WIPI2: variants seen among roughly 807,000 people sequenced by gnomAD.
The protein encoded by WIPI2 is WD repeat domain, phosphoinositide interacting 2, also known as WD repeat domain phosphoinositide-interacting protein 2.
In WIPI2, 28 loss-of-function variants were observed where a neutral mutation model predicts 52.3. The ratio of observed to expected loss-of-function variants is 0.54; its 90% CI spans 0.40 to 0.73. The LOEUF is 0.73. WIPI2 is among the 30% of genes least tolerant of loss of function. WIPI2 has a pLI of 0.00. For missense variants in WIPI2, 506 were observed against 602.9 expected, an observed-to-expected ratio of 0.84 and a Z score of 1.68; for synonymous variants, 268 against 245.0, an observed-to-expected ratio of 1.09 and a Z score of -0.88.
At chr7:5,214,425 G>A (rs368286520) in intron 3 of WIPI2, 110 bp from the exon 4 acceptor site, 71 of 1,611,224 alleles carry the variant, frequency 4.4e-5, no homozygotes, top group Non-Finnish European at 5.3e-5. Flanking sequence ...CACCCTCAGC[G>A]CTGTGCCCTG....
At position 5,227,090 on chromosome 7, in the gene WIPI2, G is replaced by C; in HGVS notation, c.849-90G>C. 1 of 1,520,478 alleles carries C rather than the reference G, an allele frequency of 6.6e-7. No individual in the cohort carries two copies. The allele number at this position is 1,520,478 out of a possible 1,614,324, so 94.2% of individuals were successfully genotyped here. On this transcript the variant is annotated intron_variant, in intron 9 of 12. Coordinates refer to ENST00000288828, the MANE Select transcript of WIPI2 (RefSeq NM_015610.4). The surrounding 1 kb of genome is among the most constrained non-coding windows in gnomAD (Gnocchi z 8.1). ...GTGAAGAATGGAGACTTTTGCTGTC[G>C]GCTCCAGAGCTGTGCGTCTGTGTGA...
rs73328769 is a variant in WIPI2 at position 5,228,048 on chromosome 7, G to A, written c.1014-56G>A. The A allele has an allele frequency of 3.9e-3, 6,168 of 1,567,974 alleles. 263 individuals are homozygous for A. The African/African-American group carries it at 0.074, about 19-fold the overall frequency. ...CTGCCAAAAGTGAGGCCGCCATGTA[G>A]TAAGACCGTTTCTGTGACAGTTGTC... On this transcript the variant is annotated intron_variant, in intron 10 of 12. Coordinates refer to ENST00000288828, the MANE Select transcript of WIPI2 (RefSeq NM_015610.4).
chr7:5,201,175 G>A (rs571803112), intron 3 of WIPI2, among the ~76,000 whole-genome samples: 6 of 152,336 alleles, frequency 3.9e-5, no homozygotes, highest in African/African-American at 4.8e-5. Context: ...GGGCAGCCCC[G>A]TCTCCAGGCT....
Position 5,227,014 on chromosome 7 carries a change from GC to G in WIPI2, c.849-162del. The G allele has an allele frequency of 1.1e-6, 1 of 879,052 alleles. No individual in the cohort carries two copies. The highest frequency in any genetic ancestry group is 1.7e-6 in the Non-Finnish European group (1 of 580,810). 54.5% of individuals were successfully genotyped at this position (879,052 alleles called of 1,614,324 possible). On this transcript the variant is annotated intron_variant, in intron 9 of 12. Transcript: ENST00000288828. The surrounding 1 kb of genome is among the most constrained non-coding windows in gnomAD (Gnocchi z 8.1). ...CACCTCCCAGAGGAAGCTCCGTGAT[GC>G]CCCTGGGGCCCTGAGTGTCTGCTTA...
At chr7:5,228,364 G>C (rs764313486) in intron 11 of WIPI2, among the ~76,000 whole-genome samples, 153 bp downstream of exon 11, 1 of 152,256 alleles carries the variant, frequency 6.6e-6, no homozygotes, top group African/African-American at 2.4e-5. Context: ...CGGGAGCTTC[G>C]CTTTCCCAGG....
chr7:5,203,990 G>T lies in WIPI2; in HGVS notation c.211+4332G>T, dbSNP rs956477252. On this transcript the variant is annotated intron_variant, in intron 3 of 12. Coordinates refer to ENST00000288828, the MANE Select transcript of WIPI2 (RefSeq NM_015610.4). Reference sequence around the variant, plus strand: ...CTGGTGTCCTGGGACGTGCCATCTTGAGTCAATACATCTGTGCAGTCTGGT... The same window carrying T: ...CTGGTGTCCTGGGACGTGCCATCTTTAGTCAATACATCTGTGCAGTCTGGT... Among the ~76,000 whole-genome samples the T allele has an allele frequency of 1.5e-4, 23 of 152,198 alleles. 1 individual carries two copies. The highest frequency in any genetic ancestry group is 1.2e-3 in the Admixed American group (19 of 15,288).
Position 5,227,996 on chromosome 7 carries a change from T to A in WIPI2, c.1014-108T>A. On this transcript the variant is annotated intron_variant, in intron 10 of 12. Transcript: ENST00000288828. This position sits in a 1 kb window ranked among gnomAD's most constrained non-coding sequence, Gnocchi z 8.1. ...CAGACACCTGCAGCTGCCCTTGTGC[T>A]CATCTTGCTGGGGTCTCTTTCCTCG... 1.0e-6 allele frequency: 1 copy of A among 1,003,244 alleles called. No individual in the cohort carries two copies. The highest frequency in any genetic ancestry group is 1.4e-5 in the South Asian group (1 of 73,782). 62.1% of individuals were successfully genotyped at this position (1,003,244 alleles called of 1,614,324 possible).
chr7:5,203,551 C>G (rs968570598), intron 3 of WIPI2, among the ~76,000 whole-genome samples: 1 of 151,308 alleles, frequency 6.6e-6, no homozygotes, highest in African/African-American at 2.4e-5. Context: ...GTGGCTGAGG[C>G]CACCTAGAAT....
rs1782726069 is a variant in WIPI2 at position 5,214,722 on chromosome 7, T to G, written c.381+18T>G. 6.2e-7 allele frequency: 1 copy of G among 1,612,614 alleles called. No individual in the cohort carries two copies. The highest frequency in any genetic ancestry group is 1.7e-5 in the Admixed American group (1 of 60,010). On this transcript the variant is annotated intron_variant, in intron 4 of 12. Transcript: ENST00000288828. ...ACAGGCAGGTGAGCGCTGCCCCAGC[T>G]GGGTGTGGGCTTGTCTGTTGCTCCC...
At chr7:5,210,473 C>T (rs1782503145) in intron 3 of WIPI2, among the ~76,000 whole-genome samples, 1 of 152,222 alleles carries the variant, frequency 6.6e-6, no homozygotes, top group Non-Finnish European at 1.5e-5. Flanking sequence ...CTTACTCAAT[C>T]TCCTTTGCTG....
At chr7:5,228,743 AT>A (rs1160814859) in intron 11 of WIPI2, among the ~76,000 whole-genome samples, 1 of 152,146 alleles carries the variant, frequency 6.6e-6, no homozygotes, top group African/African-American at 2.4e-5. Flanking sequence ...ATAATTTTTT[AT>A]TTTAGAGATA....
chr7:5,217,585 C>T (rs1252472244), intron 6 of WIPI2: 1 of 412,738 alleles, frequency 2.4e-6, no homozygotes, highest in Non-Finnish European at 4.5e-6. Flanking sequence ...GCGGGTGCCC[C>T]GCGCCCAGCC....
At chr7:5,208,421 G>T (rs200078115) in intron 3 of WIPI2, among the ~76,000 whole-genome samples, 3 of 147,156 alleles carry the variant, frequency 2.0e-5, no homozygotes, top group Non-Finnish European at 4.5e-5. Flanking sequence ...TATTTATGTT[G>T]TTTTTTTTTT....
At chr7:5,215,975 C>G (rs1782790160) in intron 4 of WIPI2, among the ~76,000 whole-genome samples, 1 of 152,188 alleles carries the variant, frequency 6.6e-6, no homozygotes, top group African/African-American at 2.4e-5. Context: ...GCAAATCTTT[C>G]CAAATCTATT....
chr7:5,227,419 C>A lies in WIPI2; in HGVS notation c.1013+75C>A. The A allele has an allele frequency of 6.4e-7, 1 of 1,555,620 alleles. No individual in the cohort carries two copies. The highest frequency in any genetic ancestry group is 8.7e-7 in the Non-Finnish European group (1 of 1,154,972). ...GGGGCCCAGTCCTGGCGGCTTGTGG[C>A]CCCTTCCGTGCTTCTGAACAGGAGC... is the stretch of plus-strand genomic sequence containing the variant. On this transcript the variant is annotated intron_variant, in intron 10 of 12. Transcript: ENST00000288828. The surrounding 1 kb of genome is among the most constrained non-coding windows in gnomAD (Gnocchi z 8.1).
intron 4 of WIPI2, among the ~76,000 whole-genome samples, chr7:5,215,437 C>G (rs1229477650): frequency 6.6e-6 from 1 of 152,230 alleles, no homozygotes; most frequent in African/African-American, 2.4e-5. Flanking sequence ...AGAGGAAGGA[C>G]GTGGTGGGTG....
intron 4 of WIPI2, among the ~76,000 whole-genome samples, chr7:5,215,090 T>C (rs1782747549): frequency 6.6e-6 from 1 of 152,188 alleles, no homozygotes; most frequent in African/African-American, 2.4e-5. Flanking sequence ...GCGGGCAGAT[T>C]GCCTGAGGTC....
At chr7:5,192,397 C>T (rs1049313396) in intron 1 of WIPI2, among the ~76,000 whole-genome samples, 1 of 152,166 alleles carries the variant, frequency 6.6e-6, no homozygotes, top group Admixed American at 6.6e-5. Context: ...CAGTTTTTCA[C>T]TAATTATTTC....
chr7:5,223,870 C>T (rs1403181094), intron 8 of WIPI2, among the ~76,000 whole-genome samples: 6 of 152,242 alleles, frequency 3.9e-5, no homozygotes, highest in Non-Finnish European at 7.3e-5. Flanking sequence ...TGAATGGTGC[C>T]TCCAGGGAGC....
Sources: allele counts gnomAD v4.1 joint callset (sites outside exome capture counted in the v4.1 genomes callset), GRCh38; gene constraint gnomAD v4.1.1; non-coding constraint Gnocchi (gnomAD v3.1); transcripts MANE v1.5; gene names NCBI Gene and HGNC (gene_info 2026-07-23, HGNC 2026-07-21).